GRM8: variants seen among roughly 807,000 people sequenced by gnomAD.
The protein encoded by GRM8 is glutamate metabotropic receptor 8.
A neutral mutation model predicts 87.2 loss-of-function variants in GRM8; 47 were observed. That is an observed-to-expected ratio of 0.54 (90% CI 0.43 to 0.69). The LOEUF is 0.69. Ranked by LOEUF, GRM8 falls within the 30% of genes least tolerant of loss-of-function variation. The pLI, the probability that GRM8 is intolerant of heterozygous loss-of-function variation, is 0.00. For synonymous variants in GRM8, 396 were observed against 404.5 expected, an observed-to-expected ratio of 0.98 and a Z score of 0.25; for missense variants, 1,019 against 1,139.2, an observed-to-expected ratio of 0.89 and a Z score of 1.52.
chr7:126,709,423 AGAGGAG>A (rs529826860), intron 7 of GRM8, among the ~76,000 whole-genome samples: 12 of 151,876 alleles, frequency 7.9e-5, no homozygotes, highest in African/African-American at 2.9e-4. Context: ...AAGAAAAAGA[AGAGGAG>A]GAGGAGGAGG....
At chr7:127,108,245 A>C (rs1273820929) in intron 2 of GRM8, among the ~76,000 whole-genome samples, 1 of 152,050 alleles carries the variant, frequency 6.6e-6, no homozygotes, top group Non-Finnish European at 1.5e-5. Context: ...CCACACACCA[A>C]ATCTTGCCCT....
chr7:126,471,345 T>C (rs1352238392), intron 9 of GRM8, among the ~76,000 whole-genome samples: 40 of 152,172 alleles, frequency 2.6e-4, no homozygotes. Flanking sequence ...AAGTCTTTAA[T>C]CCATCTTGAA....
At chr7:127,196,182 T>G (rs1047337438) in intron 2 of GRM8, among the ~76,000 whole-genome samples, 3 of 152,170 alleles carry the variant, frequency 2.0e-5, no homozygotes, top group Non-Finnish European at 4.4e-5. Flanking sequence ...CATTATTAAA[T>G]AATAGTTTTC....
chr7:127,192,689 A>G (rs530332692), intron 2 of GRM8, among the ~76,000 whole-genome samples: 3 of 152,206 alleles, frequency 2.0e-5, no homozygotes, highest in Non-Finnish European at 4.4e-5. Context: ...GTTCTACGCA[A>G]GTACAAGGAC....
intron 8 of GRM8, among the ~76,000 whole-genome samples, chr7:126,602,823 C>T (rs1471520617): frequency 6.8e-6 from 1 of 147,202 alleles, no homozygotes; most frequent in Non-Finnish European, 1.5e-5. Context: ...GGAACTGGTA[C>T]CATTCCTTCT....
chr7:126,442,705 CT>C (rs1801604423), intron 10 of GRM8, among the ~76,000 whole-genome samples: 2 of 151,890 alleles, frequency 1.3e-5, no homozygotes, highest in South Asian at 4.2e-4. Context: ...ATCTTTCTAA[CT>C]TTGGGGCTCT....
chr7:127,033,838 C>T (rs946159005), intron 3 of GRM8, among the ~76,000 whole-genome samples: 5 of 152,200 alleles, frequency 3.3e-5, no homozygotes, highest in Non-Finnish European at 7.4e-5. Flanking sequence ...ATAATGAAAG[C>T]TAAAATCACA....
At chr7:126,451,150 G>A (rs1032840563) in intron 9 of GRM8, among the ~76,000 whole-genome samples, 3 of 151,782 alleles carry the variant, frequency 2.0e-5, no homozygotes, top group South Asian at 2.1e-4. Context: ...GCTTTTCTTA[G>A]GAAAGGCATT....
At chr7:126,887,740 C>G (rs952217936) in intron 6 of GRM8, among the ~76,000 whole-genome samples, 7 of 152,054 alleles carry the variant, frequency 4.6e-5, no homozygotes, top group Non-Finnish European at 2.9e-5. Context: ...TTAATCAAAC[C>G]TGCAGTTCTC....
chr7:126,504,563 T>C (rs999791488), intron 9 of GRM8, among the ~76,000 whole-genome samples: 10 of 152,044 alleles, frequency 6.6e-5, no homozygotes, highest in Admixed American at 2.6e-4. Flanking sequence ...GCCTATTACC[T>C]GAGTGGTGAA....
At chr7:126,444,163 GC>G (rs1248958256) in intron 10 of GRM8, among the ~76,000 whole-genome samples, 2 of 151,888 alleles carry the variant, frequency 1.3e-5, no homozygotes, top group African/African-American at 4.8e-5. Context: ...TACATCACTG[GC>G]CAACAGCAGT....
chr7:126,727,852 A>G (rs1207971200), intron 7 of GRM8, among the ~76,000 whole-genome samples: 5 of 152,182 alleles, frequency 3.3e-5, no homozygotes, highest in Admixed American at 1.3e-4. Flanking sequence ...TGAAAACTTG[A>G]GTAGCTGGGC....
intron 9 of GRM8, among the ~76,000 whole-genome samples, chr7:126,530,608 G>A (rs1179009072): frequency 1.3e-5 from 2 of 152,230 alleles, no homozygotes; most frequent in African/African-American, 4.8e-5. Context: ...CTAGCTAGCT[G>A]TAGTAAACAA....
intron 2 of GRM8, among the ~76,000 whole-genome samples, chr7:127,142,681 GGATA>G (rs1459532428): frequency 1.3e-5 from 2 of 152,160 alleles, no homozygotes; most frequent in African/African-American, 4.8e-5. Flanking sequence ...ATAGATGCAT[GGATA>G]GATGGATGGA....
chr7:126,974,330 G>C (rs147140189), intron 3 of GRM8, among the ~76,000 whole-genome samples: 1 of 152,100 alleles, frequency 6.6e-6, no homozygotes, highest in African/African-American at 2.4e-5. Flanking sequence ...TAAATAAGTA[G>C]ATTTAGTTGC....
At chr7:126,861,645 A>T (rs1798150380) in intron 6 of GRM8, among the ~76,000 whole-genome samples, 1 of 151,398 alleles carries the variant, frequency 6.6e-6, no homozygotes, top group Non-Finnish European at 1.5e-5. Context: ...TATGATCTTG[A>T]TTACTGGTAA....
chr7:127,033,054 T>G (rs1019948816), intron 3 of GRM8, among the ~76,000 whole-genome samples: 9 of 151,598 alleles, frequency 5.9e-5, no homozygotes, highest in African/African-American at 2.2e-4. Context: ...AATAATATTT[T>G]CTTGAGCATA....
At chr7:126,517,573 A>G (rs1562909079) in intron 9 of GRM8, among the ~76,000 whole-genome samples, 1 of 152,132 alleles carries the variant, frequency 6.6e-6, no homozygotes. Flanking sequence ...TAATTGCTCA[A>G]GTTGTTATGT....
chr7:126,619,714 A>G (rs528430753), intron 7 of GRM8, among the ~76,000 whole-genome samples: 1 of 151,972 alleles, frequency 6.6e-6, no homozygotes, highest in Non-Finnish European at 1.5e-5. Context: ...GGTGGTGGAA[A>G]GGGTCTCCCT....
Sources: gnomAD v4.1 joint callset for allele counts (sites outside exome capture counted in the v4.1 genomes callset) on GRCh38, gnomAD v4.1.1 for gene constraint, MANE v1.5 for transcripts, NCBI Gene and HGNC (gene_info 2026-07-23, HGNC 2026-07-21) for gene names.